Variants in TENM1 observed in about 807,000 individuals in gnomAD.
TENM1 encodes teneurin transmembrane protein 1.
A neutral mutation model predicts 174.8 loss-of-function variants in TENM1; 35 were observed. That is an observed-to-expected ratio of 0.20 (90% CI 0.15 to 0.27). The LOEUF (loss-of-function observed/expected upper bound fraction) is 0.27. Ranked by LOEUF, TENM1 falls within the 10% of genes least tolerant of loss-of-function variation. TENM1 has a pLI of 1.00. For synonymous variants in TENM1, 781 were observed against 798.7 expected, an observed-to-expected ratio of 0.98 and a Z score of 0.37; for missense variants, 1,633 against 2,130.1, an observed-to-expected ratio of 0.77 and a Z score of 4.59.
intron 15 of TENM1, among the ~76,000 whole-genome samples, chrX:124,539,810 G>A (rs1307602447): frequency 8.9e-6 from 1 of 111,781 alleles, no homozygotes; most frequent in East Asian, 2.8e-4. Context: ...AATAAGCTTT[G>A]TATTTTTCTT....
intron 22 of TENM1, among the ~76,000 whole-genome samples, chrX:124,471,204 TAG>T (rs1231522514): frequency 1.9e-5 from 1 of 53,537 alleles, no homozygotes; most frequent in African/African-American, 6.4e-5. Flanking sequence ...ATATAATATA[TAG>T]TACTATATAT....
intron 3 of TENM1, among the ~76,000 whole-genome samples, chrX:124,760,786 A>C (rs1661145748): frequency 9.2e-6 from 1 of 108,277 alleles, no homozygotes; most frequent in African/African-American, 3.4e-5. Context: ...AAATTTTTGC[A>C]ATCTACACAT....
At chrX:124,578,993 T>A (rs1303958608) in intron 11 of TENM1, among the ~76,000 whole-genome samples, 1 of 112,267 alleles carries the variant, frequency 8.9e-6, no homozygotes, top group Admixed American at 9.5e-5. Flanking sequence ...GTCCTTTAAT[T>A]CTGCCAAAAA....
chrX:125,124,790 C>T, the TENM1 span, among the ~76,000 whole-genome samples: 3 of 112,198 alleles, frequency 2.7e-5, no homozygotes, highest in East Asian at 2.8e-4. Context: ...CCTTGATTCA[C>T]GAATGTGCCT....
chrX:125,003,475 G>A, the TENM1 span, among the ~76,000 whole-genome samples: 32 of 111,551 alleles, frequency 2.9e-4, no homozygotes, highest in African/African-American at 1.0e-3. Flanking sequence ...AGAGTACAAA[G>A]CTTTATGGAT....
At chrX:124,949,785 T>C (rs12008679) in intron 1 of TENM1, among the ~76,000 whole-genome samples, 2,576 of 111,517 alleles carry the variant, frequency 0.023, 81 homozygotes, top group African/African-American at 0.08. Flanking sequence ...TTTGGATCAA[T>C]AGGAATAATT....
the TENM1 span, among the ~76,000 whole-genome samples, chrX:125,052,087 T>C: frequency 8.9e-6 from 1 of 111,972 alleles, no homozygotes. Flanking sequence ...AACAGATACA[T>C]GAAAAAATGC....
chrX:124,727,850 T>C (rs2053476955), intron 4 of TENM1, among the ~76,000 whole-genome samples: 1 of 111,963 alleles, frequency 8.9e-6, no homozygotes, highest in Non-Finnish European at 1.9e-5. Context: ...AAGTGAGTGC[T>C]ATTAACCCAT....
At chrX:124,390,839 C>A (rs912135227) in intron 28 of TENM1, among the ~76,000 whole-genome samples, 6 of 111,904 alleles carry the variant, frequency 5.4e-5, no homozygotes, top group Non-Finnish European at 1.1e-4. Context: ...ATTCTTGTTA[C>A]CAAAATTCAA....
chrX:125,049,966 G>C, the TENM1 span, among the ~76,000 whole-genome samples: 1 of 108,735 alleles, frequency 9.2e-6, no homozygotes, highest in African/African-American at 3.3e-5. Flanking sequence ...TTGTCATTTT[G>C]ATGTCTACCT....
At chrX:124,966,544 C>T (rs745664306), upstream of TENM1, among the ~76,000 whole-genome samples, 1 of 107,939 alleles carries the variant, frequency 9.3e-6, no homozygotes, top group South Asian at 4.1e-4. Flanking sequence ...CGCCTGTAGT[C>T]CCAGCTACTC....
At position 124,487,240 on chromosome X, in the gene TENM1, C is replaced by T. The variant is rs1487034892; in HGVS notation, c.3696-11G>A. ...CTGGTATCTCTGTTTCTAGGGTGCA[C>T]AAGGTATCCACGAGTGGCAAGCAAA... On this transcript the variant is annotated splice_polypyrimidine_tract_variant and intron_variant, in intron 20 of 31. Coordinates refer to ENST00000422452, the Ensembl canonical transcript of TENM1. 8.6e-7 allele frequency: 1 copy of T among 1,164,928 alleles called. No individual in the cohort carries two copies. The highest frequency in any genetic ancestry group is 1.1e-6 in the Non-Finnish European group (1 of 871,239).
At chrX:124,556,873 C>G (rs1002855772) in intron 14 of TENM1, among the ~76,000 whole-genome samples, 1 of 111,155 alleles carries the variant, frequency 9.0e-6, no homozygotes, top group Admixed American at 9.6e-5. Context: ...TCTCCCTTTC[C>G]ATGAGCTTTT....
At chrX:124,476,573 A>G (rs962789697) in intron 22 of TENM1, among the ~76,000 whole-genome samples, 1 of 111,601 alleles carries the variant, frequency 9.0e-6, no homozygotes, top group Admixed American at 9.5e-5. Context: ...ATAGAGATAT[A>G]ACCCTTGGTG....
intron 11 of TENM1, among the ~76,000 whole-genome samples, chrX:124,620,454 G>A (rs1402700199): frequency 1.8e-5 from 2 of 111,878 alleles, no homozygotes; most frequent in Non-Finnish European, 3.8e-5. Flanking sequence ...CGCACCTTGT[G>A]GAGATATTAA....
chrX:124,822,070 G>A (rs2147297377), intron 3 of TENM1, among the ~76,000 whole-genome samples: 1 of 112,525 alleles, frequency 8.9e-6, no homozygotes, highest in East Asian at 2.8e-4. Context: ...TGCTCAGCCA[G>A]AGAACACACT....
At chrX:125,093,476 G>A in the TENM1 span, among the ~76,000 whole-genome samples, 3 of 112,173 alleles carry the variant, frequency 2.7e-5, no homozygotes, top group East Asian at 8.4e-4. Flanking sequence ...ATAGGATGAT[G>A]ATTCTGCTTT....
intron 4 of TENM1, among the ~76,000 whole-genome samples, chrX:124,722,481 T>C (rs1445244909): frequency 9.0e-6 from 1 of 111,306 alleles, no homozygotes; most frequent in East Asian, 2.8e-4. Flanking sequence ...TCACCTCTAC[T>C]GTGAGAATAC....
intron 31 of TENM1, 86 bp downstream of exon 34, chrX:124,382,584 A>G: frequency 1.1e-6 from 1 of 908,672 alleles, no homozygotes. Context: ...AAAAATCAGT[A>G]AGCAAACATA....
Sources: allele counts gnomAD v4.1 joint callset (sites outside exome capture counted in the v4.1 genomes callset), GRCh38; gene constraint gnomAD v4.1.1; transcripts MANE v1.5; gene names NCBI Gene and HGNC (gene_info 2026-07-23, HGNC 2026-07-21).